The following TOR1AIP1 variants were observed in gnomAD, a reference collection of about 807,000 sequenced individuals.
TOR1AIP1 encodes torsin 1A interacting protein 1.
In TOR1AIP1, 54 loss-of-function variants were observed where a neutral mutation model predicts 63.3. The observed-to-expected ratio is 0.85, with a 90% CI of 0.69 to 1.07. The LOEUF (loss-of-function observed/expected upper bound fraction) is 1.07. Among genes scored for constraint, TOR1AIP1 ranks in the 50% least tolerant of loss-of-function variants. TOR1AIP1 has a pLI of 0.00. For missense variants in TOR1AIP1, 736 were observed against 715.0 expected (o/e 1.03, Z -0.33); for synonymous variants, 294 against 273.5 (o/e 1.07, Z -0.74).
intron 3 of TOR1AIP1, among the ~76,000 whole-genome samples, chr1:179,890,624 G>A (rs1446085554): frequency 6.6e-6 from 1 of 151,874 alleles, no homozygotes; most frequent in African/African-American, 2.4e-5. Flanking sequence ...TTTCCAGGCA[G>A]GGTCTCACTC....
At chr1:179,903,124 A>C (rs867619098) in intron 5 of TOR1AIP1, among the ~76,000 whole-genome samples, 3 of 152,130 alleles carry the variant, frequency 2.0e-5, no homozygotes, top group Non-Finnish European at 4.4e-5. Context: ...TTGGGAAAAA[A>C]TGTTTTTAAG....
intron 8 of TOR1AIP1, among the ~76,000 whole-genome samples, chr1:179,910,916 A>G (rs1332114832): frequency 6.6e-6 from 1 of 152,254 alleles, no homozygotes; most frequent in African/African-American, 2.4e-5. Flanking sequence ...ACATAATTAT[A>G]TTGAACATCT....
chr1:179,905,767 A>G (rs928099618), intron 6 of TOR1AIP1, among the ~76,000 whole-genome samples: 2 of 152,182 alleles, frequency 1.3e-5, no homozygotes, highest in African/African-American at 4.8e-5. Flanking sequence ...AGCCTGGCCA[A>G]CATGGTGAAA....
chr1:179,882,381 A>G lies in TOR1AIP1; in HGVS notation c.-122A>G. On this transcript the variant is annotated 5_prime_UTR_variant, in exon 1 of 10. Transcript: ENST00000606911. The stretch of plus-strand genomic sequence containing the variant: ...CAGGCGGCGGCCCCAGCGACTCGCA[A>G]CTGCCTCCCTGACCACAGCGGCCAC... 1 of 1,051,020 alleles carries G rather than the reference A, an allele frequency of 9.5e-7. No individual in the cohort carries two copies. The allele number at this position is 1,051,020 out of a possible 1,614,324, so 65.1% of individuals were successfully genotyped here.
Position 179,919,553 on chromosome 1 carries a change from C to CTACTA in TOR1AIP1, c.*1317_*1321dup, listed in dbSNP as rs1649129978. ...GAAGGGTGTGAAATGTATTTCTTTA[C>CTACTA]TACTATAGTAGTTTAGTTATAACTT... On this transcript the variant is annotated 3_prime_UTR_variant, in exon 10 of 10. Coordinates refer to ENST00000606911, the MANE Select transcript of TOR1AIP1 (RefSeq NM_015602.4). 1 of 152,204 alleles carries CTACTA rather than the reference C, an allele frequency of 6.6e-6. No individual in the cohort carries two copies. The highest frequency in any genetic ancestry group is 6.5e-5 in the Admixed American group (1 of 15,280). 9.4% of individuals were successfully genotyped at this position (152,204 alleles called of 1,614,324 possible). A position where few individuals can be genotyped will look rare whatever the true frequency, so the allele number is the denominator to read the frequency against.
intron 3 of TOR1AIP1, among the ~76,000 whole-genome samples, chr1:179,890,572 T>G (rs888776413): frequency 6.6e-6 from 1 of 152,186 alleles, no homozygotes; most frequent in Non-Finnish European, 1.5e-5. Context: ...ATAGAAATAC[T>G]AAAATGAGTG....
intron 2 of TOR1AIP1, among the ~76,000 whole-genome samples, chr1:179,885,634 T>A (rs1053529370): frequency 6.6e-5 from 10 of 152,256 alleles, no homozygotes; most frequent in African/African-American, 2.4e-4. Context: ...TTTACCTGTT[T>A]CTAATAAGAT....
intron 8 of TOR1AIP1, 98 bp downstream of exon 8, chr1:179,908,771 T>C (rs1648735179): frequency 9.6e-7 from 1 of 1,037,942 alleles, no homozygotes. Context: ...TTTAGGTTGT[T>C]TGTGATTTCA....
intron 2 of TOR1AIP1, among the ~76,000 whole-genome samples, chr1:179,887,537 C>T (rs915464263): frequency 2.0e-5 from 3 of 152,154 alleles, no homozygotes; most frequent in African/African-American, 4.8e-5. Context: ...GAAATCTTCT[C>T]ATTGTTTGAA....
At chr1:179,907,913 C>CTTTTTTTT (rs34218138) in intron 7 of TOR1AIP1, 49 bp downstream of exon 7, 277 of 356,712 alleles carry the variant, frequency 7.8e-4, no homozygotes, top group South Asian at 2.6e-3. Flanking sequence ...ATTCTTTTCT[C>CTTTTTTTT]TTTTTTTTTT....
rs1248211584 is a variant in TOR1AIP1, at chr1:179,882,665, C to G, written c.163C>G (p.Arg55Gly). The part of the protein sequence containing the change: ...YRTPPSRQGR[R>G]EVRFSDEPPE... Reference sequence around the variant, plus strand: ...AACTCCTCCGTCGCGCCAGGGCCGGCGGGAAGTGAGGTTCTCGGACGAGCC... The same window carrying G: ...AACTCCTCCGTCGCGCCAGGGCCGGGGGGAAGTGAGGTTCTCGGACGAGCC... Residue 55 changes from arginine to glycine, a missense_variant, in exon 1 of 10, where the codon CGG becomes GGG. By Grantham distance (125) the Arg-to-Gly change is moderately radical. Coordinates refer to ENST00000606911, the MANE Select transcript of TOR1AIP1 (RefSeq NM_015602.4). The G allele has an allele frequency of 8.8e-6, 14 of 1,589,200 alleles. No individual in the cohort carries two copies. The highest frequency in any genetic ancestry group is 1.8e-5 in the Admixed American group (1 of 56,408).
intron 8 of TOR1AIP1, among the ~76,000 whole-genome samples, chr1:179,912,099 A>G (rs1648862971): frequency 7.1e-6 from 1 of 140,774 alleles, no homozygotes; most frequent in African/African-American, 2.7e-5. Context: ...ATCTCAGCTC[A>G]CTGCAACCTC....
chr1:179,897,155 TC>T (rs1415670793), intron 3 of TOR1AIP1, among the ~76,000 whole-genome samples: 3 of 152,198 alleles, frequency 2.0e-5, no homozygotes, highest in African/African-American at 7.2e-5. Flanking sequence ...TAAAAAAGGA[TC>T]TTTAGTCACT....
At chr1:179,912,922 A>G (rs1052312112) in intron 8 of TOR1AIP1, among the ~76,000 whole-genome samples, 2 of 152,180 alleles carry the variant, frequency 1.3e-5, no homozygotes, top group African/African-American at 2.4e-5. Context: ...GTTCATTTAT[A>G]TATACAAAAG....
intron 8 of TOR1AIP1, 63 bp downstream of exon 8, chr1:179,908,736 A>G: frequency 7.3e-7 from 1 of 1,370,174 alleles, no homozygotes; most frequent in Non-Finnish European, 1.0e-6. Context: ...TTCTTGACAA[A>G]AATATTTAGT....
intron 5 of TOR1AIP1, 95 bp from the exon 6 acceptor site, chr1:179,903,871 T>C (rs1286401879): frequency 1.3e-5 from 11 of 825,874 alleles, no homozygotes; most frequent in African/African-American, 3.6e-5. Context: ...ACCCGAATAT[T>C]TTTGCTCTTT....
rs1341536601 is a variant in TOR1AIP1, at chr1:179,882,517, G to A, written c.15G>A (p.Gly5=). The A allele has an allele frequency of 2.1e-6, 3 of 1,456,598 alleles. No homozygotes were observed. The highest frequency in any genetic ancestry group is 1.5e-5 in the South Asian group (1 of 67,772). 90.2% of individuals were successfully genotyped at this position (1,456,598 alleles called of 1,614,324 possible). A position where few individuals can be genotyped will look rare whatever the true frequency, so the allele number is the denominator to read the frequency against. The stretch of plus-strand genomic sequence containing the variant: ...CGTCAACAACTATGGCGGGCGACGG[G>A]CGGCGGGCAGAGGCGGTGCGGGAAG... MAGD[G]RRAEAVREGW... The change falls in exon 1 of 10, where the codon GGG becomes GGA. Residue 5 remains glycine (G), a synonymous_variant. Transcript: ENST00000606911.
rs188746561 is a variant in TOR1AIP1 at position 179,904,184 on chromosome 1, T to A, written c.796+162T>A. Among the ~76,000 whole-genome samples the A allele has an allele frequency of 8.4e-4, 128 of 152,344 alleles. 2 individuals are homozygous for A. Among genetic ancestry groups the A allele is most frequent in the Non-Finnish European group, 1.7e-3 (113 of 68,034 alleles). On this transcript the variant is annotated intron_variant, in intron 6 of 9. Coordinates refer to ENST00000606911, the MANE Select transcript of TOR1AIP1 (RefSeq NM_015602.4). ...TATCTCTCTACCACTTGACCTTGCT[T>A]ATTGAGTTATTATTCTCTATACCCA...
rs150969295 is a variant in TOR1AIP1, at chr1:179,882,886, C to T, written c.384C>T (p.Thr128=). 5.1e-5 allele frequency: 83 copies of T among 1,614,040 alleles called. No homozygotes were observed. Among genetic ancestry groups the T allele is most frequent in the Non-Finnish European group, 5.9e-5 (70 of 1,180,036 alleles). ...ETEEMKTRRT[T]RLQQQHSEQP... ...AGGAAATGAAGACGCGAAGGACTAC[C>T]CGCCTTCAGCAGCAGCACTCAGAGC... The change falls in exon 1 of 10, where the codon ACC becomes ACT. Residue 128 remains threonine, a synonymous_variant. Coordinates refer to ENST00000606911, the MANE Select transcript of TOR1AIP1 (RefSeq NM_015602.4).
Sources: gnomAD v4.1 joint callset for allele counts (sites outside exome capture counted in the v4.1 genomes callset) on GRCh38, gnomAD v4.1.1 for gene constraint, MANE v1.5 for transcripts, NCBI Gene and HGNC (gene_info 2026-07-23, HGNC 2026-07-21) for gene names.